PIK3R6: variants seen among roughly 807,000 people sequenced by gnomAD.
The protein encoded by PIK3R6 is phosphoinositide 3-kinase regulatory subunit 6.
A neutral mutation model predicts 84.9 loss-of-function variants in PIK3R6; 91 were observed. The observed-to-expected ratio is 1.07, with a 90% CI of 0.90 to 1.28. The LOEUF (loss-of-function observed/expected upper bound fraction) is 1.28. Ranked by LOEUF, PIK3R6 falls within the 50% of genes most tolerant of loss-of-function variation. The pLI, the probability that PIK3R6 is intolerant of heterozygous loss-of-function variation, is 0.00. For missense variants in PIK3R6, 996 were observed against 985.1 expected, an observed-to-expected ratio of 1.01 and a Z score of -0.15; for synonymous variants, 416 against 411.4, an observed-to-expected ratio of 1.01 and a Z score of -0.13.
chr17:8,814,118 C>A (rs1421770109), intron 18 of PIK3R6, among the ~76,000 whole-genome samples: 1 of 151,918 alleles, frequency 6.6e-6, no homozygotes, highest in African/African-American at 2.4e-5. Flanking sequence ...CATCTGGGAT[C>A]CCCCCACAGA....
chr17:8,856,965 T>G (rs2089156647), intron 1 of PIK3R6, among the ~76,000 whole-genome samples: 1 of 151,292 alleles, frequency 6.6e-6, no homozygotes, highest in Non-Finnish European at 1.5e-5. Context: ...ACGTAACCTT[T>G]GCACACCCCT....
chr17:8,812,946 A>C (rs532085671), intron 18 of PIK3R6, among the ~76,000 whole-genome samples: 13 of 152,312 alleles, frequency 8.5e-5, no homozygotes, highest in Middle Eastern at 3.4e-3. Flanking sequence ...AGGATCAACG[A>C]AATGAAAAAT....
intron 17 of PIK3R6, among the ~76,000 whole-genome samples, chr17:8,820,797 T>C (rs185026423): frequency 2.0e-5 from 3 of 152,294 alleles, no homozygotes; most frequent in East Asian, 1.9e-4. Flanking sequence ...GGCGCCTTAA[T>C]TGGAATGCTA....
At chr17:8,858,894 G>A (rs895196424) in intron 1 of PIK3R6, among the ~76,000 whole-genome samples, 7 of 152,058 alleles carry the variant, frequency 4.6e-5, no homozygotes, top group Non-Finnish European at 1.0e-4. Context: ...ATCCAAAGAG[G>A]AACTTGCTGT....
chr17:8,825,169 C>A (rs1337738736), intron 13 of PIK3R6, among the ~76,000 whole-genome samples: 1 of 152,090 alleles, frequency 6.6e-6, no homozygotes, highest in Non-Finnish European at 1.5e-5. Context: ...AAACTTTACA[C>A]TTATACTGAG....
chr17:8,835,746 C>T (rs1453173040), intron 7 of PIK3R6, among the ~76,000 whole-genome samples: 5 of 152,150 alleles, frequency 3.3e-5, no homozygotes. Flanking sequence ...ATCCTGCTCC[C>T]TCTCTCAGCA....
At chr17:8,810,388 A>G (rs2087325713) in intron 18 of PIK3R6, among the ~76,000 whole-genome samples, 1 of 147,978 alleles carries the variant, frequency 6.8e-6, no homozygotes, top group Non-Finnish European at 1.5e-5. Flanking sequence ...AAACCACATC[A>G]TTCCACTGCT....
At chr17:8,860,350 G>A (rs1232352703) in intron 1 of PIK3R6, among the ~76,000 whole-genome samples, 1 of 152,122 alleles carries the variant, frequency 6.6e-6, no homozygotes, top group Non-Finnish European at 1.5e-5. Context: ...AACTGCGCAT[G>A]CAAGGGATCC....
chr17:8,803,465 C>T lies in PIK3R6; in HGVS notation c.2109-36G>A. On this transcript the variant is annotated intron_variant, in intron 19 of 19. Coordinates refer to ENST00000619866, the MANE Select transcript of PIK3R6 (RefSeq NM_001010855.4). This position sits in a 1 kb window ranked among gnomAD's most constrained non-coding sequence, Gnocchi z 5.0. ...AGAGAGACCAGCTCAGGTGACCCAT[C>T]TGAGGGATCAGATTGCCTAGGGCAT... is the stretch of plus-strand genomic sequence containing the variant. 1.3e-6 allele frequency: 2 copies of T among 1,563,684 alleles called. No individual in the cohort carries two copies. Among genetic ancestry groups the T allele is most frequent in the African/African-American group, 1.4e-5 (1 of 73,376 alleles).
rs768441174 is a variant in PIK3R6, at chr17:8,823,401, T to A, written c.1612A>T (p.Ile538Phe). ...RMGTQPIYFQ[I>F]YTVKIFFSDL... ...GGGATGCTTACCTTGACTGTGTAGA[T>A]CTGGAAATAGATGGGTTGGGTGCCC... The change falls in exon 14 of 20, where the codon ATC (isoleucine) becomes TTC (phenylalanine). Residue 538 changes from isoleucine to phenylalanine, a missense_variant. Physicochemically the swap from Ile to Phe is conservative, Grantham distance 21. Coordinates refer to ENST00000619866, the MANE Select transcript of PIK3R6 (RefSeq NM_001010855.4). The A allele has an allele frequency of 6.2e-7, 1 of 1,600,536 alleles. No individual in the cohort carries two copies. The highest frequency in any genetic ancestry group is 1.1e-5 in the South Asian group (1 of 90,572).
intron 8 of PIK3R6, 128 bp from the exon 9 acceptor site, chr17:8,833,173 G>C (rs574170894): frequency 1.5e-6 from 2 of 1,316,252 alleles, no homozygotes; most frequent in East Asian, 5.1e-5. Context: ...GGCCCGGCAG[G>C]AGCTTCCCCC....
chr17:8,836,737 C>G (rs958926867), intron 6 of PIK3R6, 54 bp downstream of exon 6: 5 of 1,610,312 alleles, frequency 3.1e-6, no homozygotes, highest in Non-Finnish European at 4.2e-6. Flanking sequence ...AGGAAAGACC[C>G]TGGGCAATGT....
At chr17:8,809,672 G>A (rs1287332937) in intron 18 of PIK3R6, among the ~76,000 whole-genome samples, 1 of 152,156 alleles carries the variant, frequency 6.6e-6, no homozygotes, top group Non-Finnish European at 1.5e-5. Flanking sequence ...GCTTGCACCT[G>A]TGGTCTCAGC....
At chr17:8,833,730 C>T (rs1008424537) in intron 8 of PIK3R6, among the ~76,000 whole-genome samples, 9 of 151,588 alleles carry the variant, frequency 5.9e-5, no homozygotes, top group East Asian at 2.0e-4. Context: ...TTAGTAGAGA[C>T]GGGGTTTCAC....
intron 1 of PIK3R6, among the ~76,000 whole-genome samples, chr17:8,861,040 C>CA (rs1421513660): frequency 1.3e-5 from 2 of 151,952 alleles, no homozygotes; most frequent in Non-Finnish European, 2.9e-5. Context: ...ACTAAAAATA[C>CA]AAAAATTACC....
At chr17:8,804,006 C>A in intron 19 of PIK3R6, 35 bp downstream of exon 19, 4 of 1,562,590 alleles carry the variant, frequency 2.6e-6, no homozygotes, top group Non-Finnish European at 3.5e-6. Context: ...GTCCCACGGG[C>A]CCTGGACATC....
At chr17:8,812,626 G>A (rs923386370) in intron 18 of PIK3R6, among the ~76,000 whole-genome samples, 1 of 152,086 alleles carries the variant, frequency 6.6e-6, no homozygotes, top group Non-Finnish European at 1.5e-5. Flanking sequence ...TTAAATACAT[G>A]AGAATTAAAT....
At chr17:8,823,530 T>G (rs1313120327) in intron 13 of PIK3R6, 33 bp from the exon 14 acceptor site, 2 of 1,453,076 alleles carry the variant, frequency 1.4e-6, no homozygotes, top group Non-Finnish European at 1.9e-6. Flanking sequence ...CTTCACCAAC[T>G]CCCCCAAGGC....
At chr17:8,833,541 CTTTTTTTTT>C (rs3884448) in intron 8 of PIK3R6, among the ~76,000 whole-genome samples, 1 of 130,798 alleles carries the variant, frequency 7.6e-6, no homozygotes, top group African/African-American at 2.9e-5. Context: ...GAGAAAGTGA[CTTTTTTTTT>C]TTTTTTTTTG....
Sources: allele counts gnomAD v4.1 joint callset (sites outside exome capture counted in the v4.1 genomes callset), GRCh38; gene constraint gnomAD v4.1.1; non-coding constraint Gnocchi (gnomAD v3.1); transcripts MANE v1.5; gene names NCBI Gene and HGNC (gene_info 2026-07-23, HGNC 2026-07-21).